The following CADM2 variants were observed in gnomAD, a reference collection of about 807,000 sequenced individuals.
The protein encoded by CADM2 is cell adhesion molecule 2.
A neutral mutation model predicts 49.8 loss-of-function variants in CADM2; 12 were observed. The ratio of observed to expected loss-of-function variants is 0.24; its 90% CI spans 0.15 to 0.39. The LOEUF is 0.39. Ranked by LOEUF, CADM2 falls within the 10% of genes least tolerant of loss-of-function variation. CADM2 has a pLI of 1.00. For synonymous variants in CADM2, 214 were observed against 175.4 expected (o/e 1.22, Z -1.74); for missense variants, 378 against 492.3 (o/e 0.77, Z 2.20).
intron 1 of CADM2, among the ~76,000 whole-genome samples, chr3:85,609,036 G>A (rs1362408083): frequency 6.6e-6 from 1 of 151,622 alleles, no homozygotes; most frequent in Non-Finnish European, 1.5e-5. Context: ...TGTTTTCATT[G>A]TCACTCTGTT....
At chr3:85,563,411 T>TGGGGGC (rs1553742868) in intron 1 of CADM2, among the ~76,000 whole-genome samples, 1 of 142,044 alleles carries the variant, frequency 7.0e-6, no homozygotes. Context: ...TGTGTGTGTG[T>TGGGGGC]GGGGGGGTGG....
chr3:85,640,878 C>G (rs562739432), intron 1 of CADM2, among the ~76,000 whole-genome samples: 1 of 152,024 alleles, frequency 6.6e-6, no homozygotes, highest in Admixed American at 6.6e-5. Context: ...GGAATTTAAG[C>G]AAGTCTTTGA....
chr3:85,182,750 A>G (rs1358286944), intron 1 of CADM2, among the ~76,000 whole-genome samples: 2 of 152,120 alleles, frequency 1.3e-5, no homozygotes, highest in East Asian at 3.9e-4. Flanking sequence ...AAACATTTTA[A>G]GGATTATGAA....
intron 1 of CADM2, among the ~76,000 whole-genome samples, chr3:85,215,577 C>T (rs1394126686): frequency 6.6e-6 from 1 of 151,900 alleles, no homozygotes; most frequent in Non-Finnish European, 1.5e-5. Context: ...CCCTTAACCA[C>T]CCAAGCTGGT....
intron 1 of CADM2, among the ~76,000 whole-genome samples, chr3:85,652,779 T>TTTTC (rs926498087): frequency 4.1e-5 from 5 of 121,792 alleles, no homozygotes; most frequent in African/African-American, 1.6e-4. Context: ...TTTCTTTTTT[T>TTTTC]TTTTTTTTTT....
chr3:85,975,552 T>TG (rs1184243680), intron 8 of CADM2, among the ~76,000 whole-genome samples: 11 of 150,448 alleles, frequency 7.3e-5, no homozygotes, highest in Middle Eastern at 3.4e-3. Context: ...AAATATCTTT[T>TG]TTATTAGAAC....
At chr3:85,294,239 A>G (rs1037961489) in intron 1 of CADM2, among the ~76,000 whole-genome samples, 48 of 152,246 alleles carry the variant, frequency 3.2e-4, no homozygotes, top group African/African-American at 1.2e-3. Flanking sequence ...CAAGGGATGT[A>G]AAGGACCTCT....
rs567157185 is a variant in CADM2, at chr3:85,894,047, C to T, written c.529+7720C>T. Among the ~76,000 whole-genome samples, 271 of 152,284 alleles carry T rather than the reference C, an allele frequency of 1.8e-3. 1 individual carries two copies. Among genetic ancestry groups the T allele is most frequent in the African/African-American group, 5.7e-3 (238 of 41,554 alleles). On this transcript the variant is annotated intron_variant, in intron 5 of 9. Coordinates refer to ENST00000383699, the MANE Select transcript of CADM2 (RefSeq NM_001167675.2). ...ATGCTGCTATAAAGACACATGCACACGTATGTTTATTGCGGCACTATTCAC... is the reference window on the plus strand; with the variant it reads ...ATGCTGCTATAAAGACACATGCACATGTATGTTTATTGCGGCACTATTCAC...
chr3:86,060,578 A>T (rs1353187173), intron 8 of CADM2, among the ~76,000 whole-genome samples: 1 of 152,226 alleles, frequency 6.6e-6, no homozygotes, highest in Non-Finnish European at 1.5e-5. Context: ...TTTTTGAGAC[A>T]GGAACTCTGT....
chr3:85,550,573 CT>C (rs1306336067), intron 1 of CADM2, among the ~76,000 whole-genome samples: 1 of 152,160 alleles, frequency 6.6e-6, no homozygotes, highest in Non-Finnish European at 1.5e-5. Flanking sequence ...AACACAAACT[CT>C]TTTCTAGTGG....
chr3:85,147,661 AT>A (rs1291543209), intron 1 of CADM2, among the ~76,000 whole-genome samples: 1 of 148,604 alleles, frequency 6.7e-6, no homozygotes, highest in African/African-American at 2.5e-5. Flanking sequence ...CTAAAGTGAG[AT>A]AATAATGTAG....
intron 1 of CADM2, among the ~76,000 whole-genome samples, chr3:85,030,466 T>G (rs1559625309): frequency 6.6e-6 from 1 of 152,216 alleles, no homozygotes; most frequent in African/African-American, 2.4e-5. Flanking sequence ...CAACTGTTTA[T>G]TGATCATTAC....
chr3:85,800,602 G>A (rs980837890), intron 2 of CADM2, among the ~76,000 whole-genome samples: 4 of 152,156 alleles, frequency 2.6e-5, no homozygotes, highest in African/African-American at 9.7e-5. Flanking sequence ...TAGTATCTGG[G>A]CCAGATAGCA....
At chr3:85,749,915 G>T (rs2068793884) in intron 2 of CADM2, among the ~76,000 whole-genome samples, 2 of 151,904 alleles carry the variant, frequency 1.3e-5, no homozygotes, top group Admixed American at 1.3e-4. Context: ...TGGGTGCTTT[G>T]TGTATGGTAT....
At chr3:85,906,062 G>A (rs549136297) in intron 5 of CADM2, among the ~76,000 whole-genome samples, 1 of 152,092 alleles carries the variant, frequency 6.6e-6, no homozygotes, top group East Asian at 1.9e-4. Flanking sequence ...ACACTTGCCT[G>A]CTGCTACAGA....
chr3:85,310,118 A>G (rs1308155399), intron 1 of CADM2, among the ~76,000 whole-genome samples: 1 of 152,218 alleles, frequency 6.6e-6, no homozygotes, highest in Non-Finnish European at 1.5e-5. Flanking sequence ...TGCCTTTCAC[A>G]TGTGCCATTC....
chr3:85,965,663 A>C (rs73134129), intron 8 of CADM2, among the ~76,000 whole-genome samples: 1 of 151,784 alleles, frequency 6.6e-6, no homozygotes, highest in Non-Finnish European at 1.5e-5. Context: ...GCAAGACATA[A>C]GTTATAGTCA....
intron 3 of CADM2, among the ~76,000 whole-genome samples, chr3:85,833,887 T>C (rs2108238932): frequency 6.6e-6 from 1 of 151,818 alleles, no homozygotes; most frequent in African/African-American, 2.4e-5. Context: ...TTTTTTTCCA[T>C]CTGTTAAAAA....
chr3:85,563,901 C>T (rs1282662321), intron 1 of CADM2, among the ~76,000 whole-genome samples: 1 of 152,128 alleles, frequency 6.6e-6, no homozygotes, highest in Non-Finnish European at 1.5e-5. Flanking sequence ...AATCCTAGAT[C>T]TTAAATAGAT....
Sources: allele counts gnomAD v4.1 joint callset (sites outside exome capture counted in the v4.1 genomes callset), GRCh38; gene constraint gnomAD v4.1.1; transcripts MANE v1.5; gene names NCBI Gene and HGNC (gene_info 2026-07-23, HGNC 2026-07-21).